MYPOP: variants seen among roughly 807,000 people sequenced by gnomAD.
MYPOP encodes myb-related transcription factor, partner of profilin.
MYPOP carries 21 observed loss-of-function variants against 25.7 expected under a neutral mutation model. The ratio of observed to expected loss-of-function variants is 0.82; its 90% confidence interval spans 0.58 to 1.18. The LOEUF is 1.18. MYPOP is among the 50% of genes most tolerant of loss of function. MYPOP has a pLI of 0.00. For missense variants in MYPOP, 566 were observed against 588.3 expected (o/e 0.96, Z 0.39); for synonymous variants, 280 against 247.9 (o/e 1.13, Z -1.22).
intron 1 of MYPOP, among the ~76,000 whole-genome samples, chr19:45,902,263 G>A (rs1032040194): frequency 1.3e-5 from 2 of 150,492 alleles, no homozygotes; most frequent in African/African-American, 2.4e-5. Context: ...GAGCAGAGGA[G>A]GCGCTCTAGG....
chr19:45,897,590 G>A (rs1967224451), intron 2 of MYPOP, among the ~76,000 whole-genome samples: 1 of 152,140 alleles, frequency 6.6e-6, no homozygotes, highest in Non-Finnish European at 1.5e-5. Context: ...GGGTCTCACT[G>A]TGTTGCCCAG....
At position 45,890,815 on chromosome 19, in the gene MYPOP, C is replaced by A; in HGVS notation, c.1008G>T (p.Glu336Asp). The A allele has an allele frequency of 7.4e-7, 1 of 1,354,972 alleles. No homozygotes were observed. Among genetic ancestry groups the A allele is most frequent in the Non-Finnish European group, 9.6e-7 (1 of 1,039,458 alleles). The allele number at this position is 1,354,972 out of a possible 1,614,324, so 83.9% of individuals were successfully genotyped here. A position where few individuals can be genotyped will look rare whatever the true frequency, so the allele number is the denominator to read the frequency against. Residue 336 changes from glutamate to aspartate, a missense_variant, in exon 3 of 3, where the codon GAG becomes GAT. Transcript: ENST00000322217. ...PPAPKVEITP[E>D]PVSVVAAVVD... Reference sequence around the variant, plus strand: ...CCACAGCAGCCACCACGGACACGGGCTCTGGGGTGATCTCCACCTTGGGGG... The same window carrying A: ...CCACAGCAGCCACCACGGACACGGGATCTGGGGTGATCTCCACCTTGGGGG...
intron 2 of MYPOP, among the ~76,000 whole-genome samples, chr19:45,893,965 A>G (rs1351991866): frequency 2.1e-5 from 3 of 142,500 alleles, no homozygotes; most frequent in Admixed American, 1.4e-4. Flanking sequence ...AATTTTTTGT[A>G]TTTTTAGTAG....
chr19:45,890,977 C>A lies in MYPOP; in HGVS notation c.846G>T (p.Gln282His). 6.7e-7 allele frequency: 1 copy of A among 1,501,438 alleles called. No homozygotes were observed. Among genetic ancestry groups the A allele is most frequent in the Non-Finnish European group, 8.9e-7 (1 of 1,121,834 alleles). The allele number at this position is 1,501,438 out of a possible 1,614,324, so 93.0% of individuals were successfully genotyped here. A position where few individuals can be genotyped will look rare whatever the true frequency, so the allele number is the denominator to read the frequency against. ...GGGCCTCGCTCAGTTTGGCCAGTCC[C>A]TGTCGAAGGGTGCCGGCCAGCTCCC... The part of the protein sequence containing the change: ...AIRELAGTLR[Q>H]GLAKLSEALS... Residue 282 changes from glutamine (Q) to histidine (H), a missense_variant, in exon 3 of 3, where the codon CAG (glutamine) becomes CAT (histidine). Coordinates refer to ENST00000322217, the MANE Select transcript of MYPOP (RefSeq NM_001012643.4).
rs201906894 is a variant in MYPOP at position 45,890,778 on chromosome 19, C to T, written c.1045G>A (p.Val349Met). The T allele has an allele frequency of 1.1e-4, 172 of 1,516,404 alleles. No homozygotes were observed. In the African/African-American group the frequency reaches 2.0e-3, roughly 18 times the overall value. 93.9% of individuals were successfully genotyped at this position (1,516,404 alleles called of 1,614,324 possible). A position where few individuals can be genotyped will look rare whatever the true frequency, so the allele number is the denominator to read the frequency against. The part of the protein sequence containing the change: ...SVVAAVVDGA[V>M]VAARGVIIAP... ...ATGATCACTCCCCTGGCTGCCACCA[C>T]TGCCCCGTCCACCACAGCAGCCACC... The change falls in exon 3 of 3, where the codon GTG (valine) becomes ATG (methionine). Residue 349 changes from valine (V) to methionine (M), a missense_variant. Physicochemically the swap from Val to Met is conservative, Grantham distance 21. Transcript: ENST00000322217.
chr19:45,901,341 G>T lies in MYPOP; in HGVS notation c.433C>A (p.Pro145Thr). 1 of 1,459,924 alleles carries T rather than the reference G, an allele frequency of 6.8e-7. No individual in the cohort carries two copies. Among genetic ancestry groups the T allele is most frequent in the Non-Finnish European group, 9.0e-7 (1 of 1,107,358 alleles). The allele number at this position is 1,459,924 out of a possible 1,614,324, so 90.4% of individuals were successfully genotyped here. Residue 145 changes from proline to threonine, a missense_variant, in exon 2 of 3, where the codon CCG becomes ACG. Pro to Thr is a conservative substitution (Grantham distance 38). Coordinates refer to ENST00000322217, the MANE Select transcript of MYPOP (RefSeq NM_001012643.4). The surrounding 1 kb of genome is among the most constrained non-coding windows in gnomAD (Gnocchi z 5.7). ...EPPAAPSSQP[P>T]PPSACPQRYV... ...CGCTGAGGGCAGGCGCTTGGGGGCG[G>T]CGGCTGTGAAGAGGGGGCCGCAGGG... is the stretch of plus-strand genomic sequence containing the variant.
intron 2 of MYPOP, among the ~76,000 whole-genome samples, chr19:45,898,431 T>G (rs1040608524): frequency 6.6e-6 from 1 of 151,984 alleles, no homozygotes; most frequent in Non-Finnish European, 1.5e-5. Context: ...CAAGCGATTC[T>G]CCTGCCTCAG....
At chr19:45,896,680 C>A (rs1008022515) in intron 2 of MYPOP, among the ~76,000 whole-genome samples, 40 of 149,482 alleles carry the variant, frequency 2.7e-4, no homozygotes, top group African/African-American at 9.6e-4. Flanking sequence ...CTGCGGACTG[C>A]AGTGGCGCAA....
Position 45,890,514 on chromosome 19 carries a change from C to A in MYPOP, c.*109G>T, listed in dbSNP as rs1316072804. The stretch of plus-strand genomic sequence containing the variant: ...TAGCACAGGGAGTGGGTGCTCACAT[C>A]CCTGGAGCAGGGAGCTAGGGTGCAG... On this transcript the variant is annotated 3_prime_UTR_variant, in exon 3 of 3. Transcript: ENST00000322217. 1 of 1,514,818 alleles carries A rather than the reference C, an allele frequency of 6.6e-7. No individual in the cohort carries two copies. Among genetic ancestry groups the A allele is most frequent in the Admixed American group, 2.0e-5 (1 of 50,598 alleles). The allele number at this position is 1,514,818 out of a possible 1,614,324, so 93.8% of individuals were successfully genotyped here.
chr19:45,901,405 A>G lies in MYPOP; in HGVS notation c.369T>C (p.Gly123=). 6.5e-7 allele frequency: 1 copy of G among 1,548,904 alleles called. No individual in the cohort carries two copies. The highest frequency in any genetic ancestry group is 1.9e-5 in the Admixed American group (1 of 51,724). ...EETIFAILGP[G]VAAPGAGAGA... ...CAGCACCTGCCCCCGGCGCCGCCAC[A>G]CCTGGCCCCAGGATGGCAAAAATGG... Residue 123 remains glycine (G), a synonymous_variant, in exon 2 of 3, where the codon GGT becomes GGC. Transcript: ENST00000322217. This position sits in a 1 kb window ranked among gnomAD's most constrained non-coding sequence, Gnocchi z 5.7.
intron 2 of MYPOP, among the ~76,000 whole-genome samples, chr19:45,899,854 A>C (rs1967261914): frequency 6.6e-6 from 1 of 152,178 alleles, no homozygotes; most frequent in Non-Finnish European, 1.5e-5. Flanking sequence ...ACAAAAAACA[A>C]AACAAAAAAA....
At position 45,893,535 on chromosome 19, in the gene MYPOP, TC is replaced by T. The variant is rs1377599414; in HGVS notation, c.500-2213del. 5.5e-5 allele frequency among the ~76,000 whole-genome samples: 7 copies of T among 128,248 alleles called. No individual in the cohort carries two copies. In the East Asian group the frequency reaches 1.7e-3, roughly 30 times the overall value. The allele number at this position is 128,248 out of a possible 152,430, so 84.1% of individuals were successfully genotyped here. The stretch of plus-strand genomic sequence containing the variant: ...GTGAGCTGAGATTGCATCATTGCAC[TC>T]CAGCCTGGGCAACAAGAGCGAAACT... On this transcript the variant is annotated intron_variant, in intron 2 of 2. Transcript: ENST00000322217.
intron 2 of MYPOP, among the ~76,000 whole-genome samples, chr19:45,895,861 G>GT (rs1967196380): frequency 6.6e-6 from 1 of 151,942 alleles, no homozygotes. Flanking sequence ...CAGCTTGGAT[G>GT]TTTTTTTGGA....
Position 45,899,367 on chromosome 19 carries a change from G to A in MYPOP, c.499+1908C>T, listed in dbSNP as rs541475863. Among the ~76,000 whole-genome samples the A allele has an allele frequency of 3.3e-5, 5 of 152,288 alleles. No homozygotes were observed. The East Asian group carries it at 9.6e-4, about 29-fold the overall frequency. On this transcript the variant is annotated intron_variant, in intron 2 of 2. Transcript: ENST00000322217. ...GGTTCTCAATATATATTTGCTAAAC[G>A]AGTGAATGAAGTGGTAACAAGTTTC...
chr19:45,900,454 C>CG (rs1967271519), intron 2 of MYPOP, among the ~76,000 whole-genome samples: 1 of 137,082 alleles, frequency 7.3e-6, no homozygotes. Flanking sequence ...GGACCACCCC[C>CG]CCCCCCACCG....
chr19:45,901,304 G>A lies in MYPOP; in HGVS notation c.470C>T (p.Ser157Leu). 6.9e-7 allele frequency: 1 copy of A among 1,455,612 alleles called. No homozygotes were observed. Among genetic ancestry groups the A allele is most frequent in the South Asian group, 1.5e-5 (1 of 68,340 alleles). The allele number at this position is 1,455,612 out of a possible 1,614,324, so 90.2% of individuals were successfully genotyped here. The change falls in exon 2 of 3, where the codon TCG (serine) becomes TTG (leucine). Residue 157 changes from serine (S) to leucine (L), a missense_variant. Coordinates refer to ENST00000322217, the MANE Select transcript of MYPOP (RefSeq NM_001012643.4). This position sits in a 1 kb window ranked among gnomAD's most constrained non-coding sequence, Gnocchi z 5.7. ...ACGTCGGTCCTCCCGGCGGTCTTCC[G>A]ACAACACGTAGCGCTGAGGGCAGGC... The part of the protein sequence containing the change: ...PSACPQRYVL[S>L]EDRREDRRAD...
Position 45,901,654 on chromosome 19 carries a change from G to A in MYPOP, c.120C>T (p.Tyr40=), listed in dbSNP as rs781194711. 22 of 1,609,876 alleles carry A rather than the reference G, an allele frequency of 1.4e-5. No homozygotes were observed. In the South Asian group the frequency reaches 2.2e-4, roughly 16 times the overall value. The change falls in exon 2 of 3, where the codon TAC becomes TAT. Residue 40 remains tyrosine, a synonymous_variant. Coordinates refer to ENST00000322217, the MANE Select transcript of MYPOP (RefSeq NM_001012643.4). This position sits in a 1 kb window ranked among gnomAD's most constrained non-coding sequence, Gnocchi z 5.7. ...CGCTCACCCGACGGCTCTGCGCGCC[G>A]TAGAGCTGCGGGTAGTGGGCGCGCA... The part of the protein sequence containing the change: ...REVRAHYPQL[Y]GAQSRRVSVA...
In MYPOP at chr19:45,890,954, G is replaced by A. The variant is rs1285263794; in HGVS notation, c.869C>T (p.Ala290Val). 1 of 1,476,332 alleles carries A rather than the reference G, an allele frequency of 6.8e-7. No individual in the cohort carries two copies. Among genetic ancestry groups the A allele is most frequent in the Non-Finnish European group, 9.0e-7 (1 of 1,110,932 alleles). 91.5% of individuals were successfully genotyped at this position (1,476,332 alleles called of 1,614,324 possible). The change falls in exon 3 of 3, where the codon GCC becomes GTC. Residue 290 changes from alanine (A) to valine (V), a missense_variant. By Grantham distance (64) the Ala-to-Val change is moderately conservative. Transcript: ENST00000322217. ...LRQGLAKLSEALSALLPLLPG... is the reference protein window; with the variant it reads ...LRQGLAKLSEVLSALLPLLPG... ...CAGAAGGGGCAGCAGAGCGCTGAGGGCCTCGCTCAGTTTGGCCAGTCCCTG... is the reference window on the plus strand; with the variant it reads ...CAGAAGGGGCAGCAGAGCGCTGAGGACCTCGCTCAGTTTGGCCAGTCCCTG...
intron 2 of MYPOP, among the ~76,000 whole-genome samples, chr19:45,897,831 C>T (rs888359608): frequency 2.0e-5 from 3 of 152,182 alleles, no homozygotes; most frequent in Admixed American, 6.6e-5. Flanking sequence ...GCTGGGATTA[C>T]AGGCATGCCT....
Sources: allele counts gnomAD v4.1 joint callset (sites outside exome capture counted in the v4.1 genomes callset), GRCh38; gene constraint gnomAD v4.1.1; non-coding constraint Gnocchi (gnomAD v3.1); transcripts MANE v1.5; gene names NCBI Gene and HGNC (gene_info 2026-07-23, HGNC 2026-07-21).